ARMCX4: variants seen among roughly 807,000 people sequenced by gnomAD.
ARMCX4 encodes armadillo repeat containing X-linked 4.
A neutral mutation model predicts 34.7 loss-of-function variants in ARMCX4; 3 were observed. That is an observed-to-expected ratio of 0.09 (90% CI 0.04 to 0.22). ARMCX4 has a LOEUF of 0.22. Among genes scored for constraint, ARMCX4 ranks in the 10% least tolerant of loss-of-function variants. The pLI is 1.00. For missense variants in ARMCX4, 1,448 were observed against 1,720.8 expected, an observed-to-expected ratio of 0.84 and a Z score of 2.81; for synonymous variants, 513 against 632.8, an observed-to-expected ratio of 0.81 and a Z score of 2.84.
chrX:101,432,135 G>C (rs782540290), intron 2 of ARMCX4, among the ~76,000 whole-genome samples: 1 of 111,855 alleles, frequency 8.9e-6, no homozygotes, highest in East Asian at 2.8e-4. Flanking sequence ...ATAAACATCT[G>C]TTTCAAGGTT....
At chrX:101,462,843 C>T (rs146140729) in intron 4 of ARMCX4, among the ~76,000 whole-genome samples, 4,952 of 110,998 alleles carry the variant, frequency 0.045, 88 homozygotes, top group Middle Eastern at 0.073. Flanking sequence ...CCCAAATAAT[C>T]ACACACTCAC....
chrX:101,519,607 C>T (rs922198827), intron 11 of ARMCX4, among the ~76,000 whole-genome samples: 21 of 111,549 alleles, frequency 1.9e-4, no homozygotes, highest in African/African-American at 5.9e-4. Flanking sequence ...ATCTTGACTA[C>T]TGTGAATAAT....
rs532609965 is a variant in ARMCX4 at position 101,468,582 on chromosome X, G to A, written c.-472-17441G>A. Among the ~76,000 whole-genome samples, 16 of 110,544 alleles carry A rather than the reference G, an allele frequency of 1.4e-4. No individual in the cohort carries two copies. The East Asian group carries it at 3.7e-3, about 26-fold the overall frequency. On this transcript the variant is annotated intron_variant and NMD_transcript_variant, in intron 4 of 15. Coordinates refer to the ARMCX4 transcript ENST00000433011. Reference sequence around the variant, plus strand: ...TGGGATTACAGGTGTGAGGCACCACGCCTGTCCTTAGGAGAGTATTTTTCT... The same window carrying A: ...TGGGATTACAGGTGTGAGGCACCACACCTGTCCTTAGGAGAGTATTTTTCT...
intron 2 of ARMCX4, among the ~76,000 whole-genome samples, chrX:101,432,899 T>C (rs1379397997): frequency 2.8e-5 from 2 of 72,280 alleles, no homozygotes; most frequent in African/African-American, 9.6e-5. Flanking sequence ...TATATATACG[T>C]GTATATACAC....
intron 11 of ARMCX4, among the ~76,000 whole-genome samples, chrX:101,528,700 G>C (rs1455086585): frequency 4.5e-5 from 5 of 111,136 alleles, no homozygotes; most frequent in African/African-American, 1.6e-4. Flanking sequence ...CAGACAAACA[G>C]AGAGCCAAAT....
Position 101,443,359 on chromosome X carries a change from C to T in ARMCX4, n.165-693C>T, listed in dbSNP as rs1695089215. The stretch of plus-strand genomic sequence containing the variant: ...CTCTGGACAATGCAGCAACAAGGTG[C>T]CATCTTGGAAGCAGAGGGCGGCCCT... On this transcript the variant is annotated intron_variant and non_coding_transcript_variant, in intron 2 of 3. Transcript: ENST00000430461. Among the ~76,000 whole-genome samples the T allele has an allele frequency of 2.7e-5, 3 of 111,106 alleles. No homozygotes were observed. The South Asian group carries it at 1.1e-3, about 42-fold the overall frequency.
chrX:101,490,514 T>C lies in ARMCX4; in HGVS notation c.1925T>C (p.Leu642Pro). 8.7e-7 allele frequency: 1 copy of C among 1,154,856 alleles called. No individual in the cohort carries two copies. Among genetic ancestry groups the C allele is most frequent in the Non-Finnish European group, 1.1e-6 (1 of 872,535 alleles). The stretch of plus-strand genomic sequence containing the variant: ...GTCAGTTTCCAGGGTGAGGCCTTGC[T>C]TGGCACCAAGAATAAAGTTAAGGGT... ...AVVSFQGEAL[L>P]GTKNKVKGNP... Residue 642 changes from leucine (L) to proline (P), a missense_variant, in exon 6 of 6, where the codon CTT becomes CCT. By Grantham distance (98) the Leu-to-Pro change is moderately conservative. Coordinates refer to ENST00000423738, the MANE Select transcript of ARMCX4 (RefSeq NM_001256155.3).
chrX:101,469,169 C>T (rs1186900862), intron 4 of ARMCX4, among the ~76,000 whole-genome samples: 5 of 112,579 alleles, frequency 4.4e-5, no homozygotes, highest in Non-Finnish European at 7.5e-5. Context: ...AACCTCACTA[C>T]TTAACAGAGA....
downstream of ARMCX4, among the ~76,000 whole-genome samples, chrX:101,449,948 C>T (rs972852441): frequency 1.4e-4 from 16 of 112,151 alleles, no homozygotes; most frequent in Non-Finnish European, 2.8e-4. Flanking sequence ...CACTACGGTT[C>T]TTGCAGACCC....
intron 4 of ARMCX4, among the ~76,000 whole-genome samples, chrX:101,466,455 T>C (rs1037787342): frequency 1.6e-4 from 18 of 112,056 alleles, no homozygotes; most frequent in Middle Eastern, 4.2e-3. Context: ...GCAGCTTTCT[T>C]GGTAATTGGC....
chrX:101,532,790 T>C (rs1935155571), intron 12 of ARMCX4: 1 of 111,731 alleles, frequency 9.0e-6, no homozygotes, highest in South Asian at 3.7e-4. Context: ...CACATCTTTG[T>C]TAATTTATTT....
intron 4 of ARMCX4, among the ~76,000 whole-genome samples, chrX:101,473,415 C>A (rs1342524631): frequency 3.9e-5 from 4 of 103,302 alleles, no homozygotes; most frequent in African/African-American, 1.1e-4. Flanking sequence ...AGAAAGTCAA[C>A]AAGGATACCC....
At chrX:101,431,701 G>A (rs1349429106) in intron 2 of ARMCX4, among the ~76,000 whole-genome samples, 7 of 110,773 alleles carry the variant, frequency 6.3e-5, no homozygotes, top group African/African-American at 9.8e-5. Context: ...CCGCCACCAT[G>A]CCCGGCTAAT....
chrX:101,425,687 G>A (rs1202348833), intron 2 of ARMCX4, among the ~76,000 whole-genome samples: 2 of 109,116 alleles, frequency 1.8e-5, no homozygotes, highest in Admixed American at 9.8e-5. Flanking sequence ...GAGGTACTGC[G>A]CCCAGCCGGT....
At position 101,524,706 on chromosome X, in the gene ARMCX4, C is replaced by G. The variant is rs1934927306; in HGVS notation, c.*1781-6938C>G. Among the ~76,000 whole-genome samples the G allele has an allele frequency of 2.7e-5, 3 of 111,841 alleles. No individual in the cohort carries two copies. The Admixed American group carries it at 2.8e-4, about 11-fold the overall frequency. On this transcript the variant is annotated intron_variant and NMD_transcript_variant, in intron 11 of 12. Coordinates refer to the ARMCX4 transcript ENST00000354842. ...TCCCATGCCCATGGAGCCTTGCTTA[C>G]TGCTAGTGCAGCAGTCCGAGAGCAA... is the stretch of plus-strand genomic sequence containing the variant.
At chrX:101,452,903 G>A (rs1022101118) in intron 4 of ARMCX4, among the ~76,000 whole-genome samples, 2 of 84,810 alleles carry the variant, frequency 2.4e-5, no homozygotes, top group Non-Finnish European at 5.1e-5. Context: ...CAGAAAGGAG[G>A]TAGTAGGGAG....
chrX:101,520,885 C>G (rs782664298), intron 11 of ARMCX4, among the ~76,000 whole-genome samples: 2 of 62,746 alleles, frequency 3.2e-5, no homozygotes, highest in African/African-American at 1.2e-4. Flanking sequence ...CTGGAATTTT[C>G]TTTATGAGGT....
At chrX:101,528,346 A>C (rs1556021198) in intron 11 of ARMCX4, among the ~76,000 whole-genome samples, 1 of 111,881 alleles carries the variant, frequency 8.9e-6, no homozygotes, top group Non-Finnish European at 1.9e-5. Flanking sequence ...AAATAATAAG[A>C]GCTATTTATG....
intron 2 of ARMCX4, among the ~76,000 whole-genome samples, chrX:101,440,270 C>T (rs1931183379): frequency 8.9e-6 from 1 of 112,072 alleles, no homozygotes; most frequent in Non-Finnish European, 1.9e-5. Flanking sequence ...TGGGTATCAG[C>T]AGCAGAGGCT....
Sources: gnomAD v4.1 joint callset for allele counts (sites outside exome capture counted in the v4.1 genomes callset) on GRCh38, gnomAD v4.1.1 for gene constraint, MANE v1.5 for transcripts, NCBI Gene and HGNC (gene_info 2026-07-23, HGNC 2026-07-21) for gene names.